SEMA6D: variants seen among roughly 807,000 people sequenced by gnomAD.
SEMA6D encodes the protein semaphorin 6D, also known as semaphorin-6D.
Under a neutral mutation model 106.6 loss-of-function variants are expected in SEMA6D, and 35 were observed. The ratio of observed to expected loss-of-function variants is 0.33; its 90% CI spans 0.25 to 0.44. The LOEUF (loss-of-function observed/expected upper bound fraction) is 0.44, where lower values mean the gene tolerates loss of function less well. Ranked by LOEUF, SEMA6D falls within the 20% of genes least tolerant of loss-of-function variation. The pLI, the probability that SEMA6D is intolerant of heterozygous loss-of-function variation, is 1.00. For synonymous variants in SEMA6D, 499 were observed against 487.7 expected (o/e 1.02, Z -0.31); for missense variants, 1,185 against 1,345.9 (o/e 0.88, Z 1.87).
chr15:47,477,735 A>G (rs893183626), intron 3 of SEMA6D, among the ~76,000 whole-genome samples: 1 of 152,108 alleles, frequency 6.6e-6, no homozygotes, highest in Non-Finnish European at 1.5e-5. Flanking sequence ...TCTCTATACA[A>G]TTCATTTTCT....
chr15:47,192,245 A>G (rs879454329), intron 1 of SEMA6D, among the ~76,000 whole-genome samples: 1 of 152,164 alleles, frequency 6.6e-6, no homozygotes, highest in Admixed American at 6.5e-5. Flanking sequence ...TCAGAAAGGA[A>G]CTTCCATTGA....
At position 47,597,483 on chromosome 15, in the gene SEMA6D, TGAATG is replaced by T. The variant is rs368668256; in HGVS notation, c.-86-3379_-86-3375del. Among the ~76,000 whole-genome samples the T allele has an allele frequency of 2.3e-4, 35 of 152,076 alleles. No individual in the cohort carries two copies. The East Asian group carries it at 6.4e-3, about 28-fold the overall frequency. The stretch of plus-strand genomic sequence containing the variant: ...AATAACTTAAGTATCAACCCAGGGA[TGAATG>T]GATAAAGAAAATGTGATATATATAC... On this transcript the variant is annotated intron_variant, in intron 3 of 19. Coordinates refer to the SEMA6D transcript ENST00000558014.
At chr15:47,189,748 A>G (rs1222523529) in intron 1 of SEMA6D, among the ~76,000 whole-genome samples, 1 of 152,226 alleles carries the variant, frequency 6.6e-6, no homozygotes, top group Admixed American at 6.5e-5. Context: ...CTTGAACTGA[A>G]ACGAACTATC....
intron 2 of SEMA6D, among the ~76,000 whole-genome samples, chr15:47,448,638 C>T (rs1007201972): frequency 6.6e-6 from 1 of 152,092 alleles, no homozygotes; most frequent in African/African-American, 2.4e-5. Flanking sequence ...CATGGCGACT[C>T]AGTCTACTTA....
rs150260097 is a variant in SEMA6D at position 47,620,715 on chromosome 15, CAT to C, written c.-55+19832_-55+19833del. On this transcript the variant is annotated intron_variant, in intron 4 of 19. Transcript: ENST00000558014. ...TAAAATATATATATATATATACACA[CAT>C]ATATATATATATTCTTTGTGCAAAT... Among the ~76,000 whole-genome samples, 1,269 of 148,736 alleles carry C rather than the reference CAT, an allele frequency of 8.5e-3. 15 individuals carry two copies. The highest frequency in any genetic ancestry group is 0.03 in the African/African-American group (1,223 of 40,618).
chr15:47,495,506 C>T (rs536412485), intron 3 of SEMA6D, among the ~76,000 whole-genome samples: 18 of 151,994 alleles, frequency 1.2e-4, no homozygotes, highest in African/African-American at 4.3e-4. Context: ...TATGTTAAAA[C>T]TCCTGTTATT....
chr15:47,436,422 G>T (rs2041704634), intron 2 of SEMA6D, among the ~76,000 whole-genome samples: 1 of 151,466 alleles, frequency 6.6e-6, no homozygotes, highest in Admixed American at 6.6e-5. Flanking sequence ...GACTTTGGCT[G>T]TATTAATGTG....
At chr15:47,568,695 T>C (rs1488800324) in intron 3 of SEMA6D, among the ~76,000 whole-genome samples, 2 of 152,184 alleles carry the variant, frequency 1.3e-5, no homozygotes, top group African/African-American at 4.8e-5. Flanking sequence ...TATTTTGTTT[T>C]ATTTTCCCAT....
chr15:47,306,297 C>T (rs753740507), intron 1 of SEMA6D, among the ~76,000 whole-genome samples: 2 of 152,084 alleles, frequency 1.3e-5, no homozygotes, highest in Admixed American at 1.3e-4. Flanking sequence ...GGTAACTCAT[C>T]TTCTAGCTGG....
In SEMA6D at chr15:47,398,895, C is replaced by A. The variant is rs558141882; in HGVS notation, c.-238-13498C>A. Reference sequence around the variant, plus strand: ...GGAAGGAACACCGGCTCAGGAGCCACACTTCCTGAGTGAACTTCCAGCGGC... The same window carrying A: ...GGAAGGAACACCGGCTCAGGAGCCAAACTTCCTGAGTGAACTTCCAGCGGC... On this transcript the variant is annotated intron_variant, in intron 1 of 19. Coordinates refer to the SEMA6D transcript ENST00000558014. Among the ~76,000 whole-genome samples, 3 of 152,286 alleles carry A rather than the reference C, an allele frequency of 2.0e-5. No individual in the cohort carries two copies. In the East Asian group the frequency reaches 5.8e-4, roughly 29 times the overall value.
intron 1 of SEMA6D, among the ~76,000 whole-genome samples, chr15:47,208,392 TA>T (rs1167434840): frequency 2.6e-5 from 4 of 152,168 alleles, no homozygotes; most frequent in Non-Finnish European, 4.4e-5. Context: ...TCCTCTATAT[TA>T]AATAAAGCAT....
intron 4 of SEMA6D, among the ~76,000 whole-genome samples, chr15:47,664,074 G>A (rs902680219): frequency 3.9e-5 from 6 of 152,046 alleles, no homozygotes; most frequent in Non-Finnish European, 5.9e-5. Context: ...GAAGATAAAC[G>A]GCATTGAATA....
intron 4 of SEMA6D, among the ~76,000 whole-genome samples, chr15:47,651,632 C>T (rs977520617): frequency 6.6e-6 from 1 of 152,184 alleles, no homozygotes; most frequent in African/African-American, 2.4e-5. Flanking sequence ...TGTTTTCAAT[C>T]CTGGTTTATT....
At position 47,759,798 on chromosome 15, in the gene SEMA6D, C is replaced by T. The variant is rs1210929232; in HGVS notation, c.-1C>T. 55 of 1,612,984 alleles carry T rather than the reference C, an allele frequency of 3.4e-5. No individual in the cohort carries two copies. Among genetic ancestry groups the T allele is most frequent in the East Asian group, 2.2e-4 (10 of 44,874 alleles). On this transcript the variant is annotated 5_prime_UTR_variant, in exon 2 of 19. Coordinates refer to ENST00000536845, the MANE Select transcript of SEMA6D (RefSeq NM_001358351.3). ...CCACCCTGACTTCACCTTGGCCCAC[C>T]ATGAGGGTCTTCCTGCTTTGTGCCT...
rs191987005 is a variant in SEMA6D, at chr15:47,404,356, A to G, written c.-238-8037A>G. Among the ~76,000 whole-genome samples the G allele has an allele frequency of 2.9e-3, 435 of 152,328 alleles. 3 individuals are homozygous for G. The highest frequency in any genetic ancestry group is 7.5e-3 in the South Asian group (36 of 4,824). On this transcript the variant is annotated intron_variant, in intron 1 of 19. Transcript: ENST00000558014. Reference sequence around the variant, plus strand: ...GCAGTTATAATTTTATTTTGTTTTTACTACTGTAGGGTAGGTATTCTCCTC... The same window carrying G: ...GCAGTTATAATTTTATTTTGTTTTTGCTACTGTAGGGTAGGTATTCTCCTC...
intron 1 of SEMA6D, among the ~76,000 whole-genome samples, chr15:47,389,114 C>G (rs1052382271): frequency 1.3e-5 from 2 of 152,186 alleles, no homozygotes; most frequent in Non-Finnish European, 2.9e-5. Flanking sequence ...ACAGTGAATT[C>G]TATAAAGCTG....
chr15:47,688,967 A>G (rs531724894), intron 4 of SEMA6D, among the ~76,000 whole-genome samples: 1 of 152,360 alleles, frequency 6.6e-6, no homozygotes, highest in South Asian at 2.1e-4. Context: ...AAGACAGTGT[A>G]AACCAATTTT....
At chr15:47,456,717 T>A (rs1402794190) in intron 2 of SEMA6D, among the ~76,000 whole-genome samples, 1 of 151,996 alleles carries the variant, frequency 6.6e-6, no homozygotes, top group East Asian at 1.9e-4. Flanking sequence ...GGGAAACAAA[T>A]GAGGTAATCA....
chr15:47,716,314 T>TAG (rs2079114937), upstream of SEMA6D, among the ~76,000 whole-genome samples: 1 of 152,170 alleles, frequency 6.6e-6, no homozygotes, highest in South Asian at 2.1e-4. Flanking sequence ...GGGGTGTCTT[T>TAG]TTTGAGTTCC....
Sources: allele counts gnomAD v4.1 joint callset (sites outside exome capture counted in the v4.1 genomes callset), GRCh38; gene constraint gnomAD v4.1.1; transcripts MANE v1.5; gene names NCBI Gene and HGNC (gene_info 2026-07-23, HGNC 2026-07-21).